Variants in TRABD2B observed in about 807,000 individuals in gnomAD.
The protein encoded by TRABD2B is TraB domain containing 2B.
In TRABD2B, 14 loss-of-function variants were observed where a neutral mutation model predicts 40.1. That is an observed-to-expected ratio of 0.35 (90% CI 0.23 to 0.55). The LOEUF (loss-of-function observed/expected upper bound fraction) is 0.55, where lower values mean the gene tolerates loss of function less well. Among genes scored for constraint, TRABD2B ranks in the 20% least tolerant of loss-of-function variants. The pLI is 0.90. For synonymous variants in TRABD2B, 263 were observed against 277.0 expected, an observed-to-expected ratio of 0.95 and a Z score of 0.50; for missense variants, 541 against 648.6, an observed-to-expected ratio of 0.83 and a Z score of 1.80.
At chr1:47,802,414 G>A (rs1035498694) in intron 2 of TRABD2B, among the ~76,000 whole-genome samples, 8 of 152,152 alleles carry the variant, frequency 5.3e-5, no homozygotes, top group African/African-American at 1.9e-4. Flanking sequence ...TGAGGCCCAG[G>A]GAAGGGAAGG....
chr1:47,883,932 C>T (rs1286519216), intron 2 of TRABD2B, among the ~76,000 whole-genome samples: 2 of 152,312 alleles, frequency 1.3e-5, no homozygotes, highest in East Asian at 3.9e-4. Flanking sequence ...TGATCTCTCT[C>T]TCCATGGGGA....
intron 2 of TRABD2B, among the ~76,000 whole-genome samples, chr1:47,988,304 C>T (rs1645949907): frequency 1.3e-5 from 2 of 152,304 alleles, no homozygotes; most frequent in East Asian, 3.9e-4. Context: ...AGTTTCCATG[C>T]TGCAAACAGG....
intron 2 of TRABD2B, among the ~76,000 whole-genome samples, chr1:47,848,144 A>C (rs1039219684): frequency 6.6e-6 from 1 of 152,348 alleles, no homozygotes; most frequent in Admixed American, 6.5e-5. Flanking sequence ...ACATGGAGAG[A>C]CAGCAAGATC....
At chr1:47,874,432 C>T (rs1157895803) in intron 2 of TRABD2B, among the ~76,000 whole-genome samples, 2 of 149,382 alleles carry the variant, frequency 1.3e-5, no homozygotes, top group Non-Finnish European at 3.0e-5. Flanking sequence ...GCCACCGCGC[C>T]CGGCTAATTT....
chr1:47,800,556 ACT>A (rs1368695302), intron 3 of TRABD2B, among the ~76,000 whole-genome samples: 1 of 151,986 alleles, frequency 6.6e-6, no homozygotes, highest in East Asian at 1.9e-4. Context: ...CACTGTAGAG[ACT>A]CTGGCTTTCA....
intron 2 of TRABD2B, among the ~76,000 whole-genome samples, chr1:47,810,093 G>A (rs1163201943): frequency 6.6e-6 from 1 of 152,128 alleles, no homozygotes; most frequent in Admixed American, 6.5e-5. Flanking sequence ...GTATGTTGGA[G>A]AGTGATAGTT....
At chr1:47,801,405 C>A in intron 3 of TRABD2B, 68 bp downstream of exon 3, 1 of 1,462,080 alleles carries the variant, frequency 6.8e-7, no homozygotes, top group East Asian at 2.5e-5. Context: ...GAGAAGATTA[C>A]CTATGCCTGG....
intron 2 of TRABD2B, among the ~76,000 whole-genome samples, chr1:47,843,359 G>C (rs1210673457): frequency 6.6e-6 from 1 of 152,196 alleles, no homozygotes; most frequent in Non-Finnish European, 1.5e-5. Flanking sequence ...TCTGGATGCA[G>C]ACTGAAGGTA....
At chr1:47,829,335 T>G (rs10890505) in intron 2 of TRABD2B, among the ~76,000 whole-genome samples, 1 of 151,820 alleles carries the variant, frequency 6.6e-6, no homozygotes, top group Non-Finnish European at 1.5e-5. Flanking sequence ...AGGGGCTCAG[T>G]TAGGGCAGGC....
At chr1:47,874,252 A>ATTTTTTTTTT (rs61411862) in intron 2 of TRABD2B, among the ~76,000 whole-genome samples, 85 of 90,520 alleles carry the variant, frequency 9.4e-4, no homozygotes, top group East Asian at 2.2e-3. Context: ...TGATTAATTA[A>ATTTTTTTTTT]TTTTTTTTTT....
intron 2 of TRABD2B, among the ~76,000 whole-genome samples, chr1:47,957,013 G>A (rs1645434089): frequency 6.6e-6 from 1 of 152,218 alleles, no homozygotes; most frequent in South Asian, 2.1e-4. Flanking sequence ...AAAGCTTCCA[G>A]AGGAAGGATC....
In TRABD2B at chr1:47,957,396, C is replaced by A. The variant is rs1645440312; in HGVS notation, c.666+36638G>T. Among the ~76,000 whole-genome samples the A allele has an allele frequency of 2.0e-5, 3 of 152,138 alleles. No homozygotes were observed. In the South Asian group the frequency reaches 6.2e-4, roughly 32 times the overall value. ...TTGAGAGAAGAAGGTGTCAGATGAT[C>A]AGTAATAACAAATTTCTCCGAGCTA... On this transcript the variant is annotated intron_variant, in intron 2 of 6. Coordinates refer to ENST00000606738, the MANE Select transcript of TRABD2B (RefSeq NM_001194986.2).
At chr1:47,977,462 A>T (rs1237133826) in intron 2 of TRABD2B, among the ~76,000 whole-genome samples, 1 of 152,164 alleles carries the variant, frequency 6.6e-6, no homozygotes, top group Non-Finnish European at 1.5e-5. Context: ...ACCAGCCACT[A>T]GGCACGCTGT....
chr1:47,893,363 C>T lies in TRABD2B; in HGVS notation c.667-91744G>A, dbSNP rs116575454. Among the ~76,000 whole-genome samples the T allele has an allele frequency of 8.3e-3, 1,258 of 152,262 alleles. 13 individuals carry two copies. Among genetic ancestry groups the T allele is most frequent in the Middle Eastern group, 0.034 (10 of 292 alleles). ...TGGGGGGCCAGGCAGAGGGAGTGGC[C>T]AGTATGTGGAAAGAACATCCTTTGA... On this transcript the variant is annotated intron_variant, in intron 2 of 6. Coordinates refer to ENST00000606738, the MANE Select transcript of TRABD2B (RefSeq NM_001194986.2).
chr1:47,932,775 G>C (rs141186846), intron 2 of TRABD2B, among the ~76,000 whole-genome samples: 2 of 152,154 alleles, frequency 1.3e-5, no homozygotes, highest in African/African-American at 4.8e-5. Context: ...TTGACTCTGC[G>C]CAAGTCACTT....
At position 47,857,695 on chromosome 1, in the gene TRABD2B, G is replaced by A. The variant is rs112842412; in HGVS notation, c.667-56076C>T. On this transcript the variant is annotated intron_variant, in intron 2 of 6. Transcript: ENST00000606738. ...GAAGGCCTCCAAGAATAATGAAAGA[G>A]TGAGGGAGTGAAGGAACTCTCCCCA... Among the ~76,000 whole-genome samples, 9 of 152,138 alleles carry A rather than the reference G, an allele frequency of 5.9e-5. 2 individuals are homozygous for A. Among genetic ancestry groups the A allele is most frequent in the African/African-American group, 2.2e-4 (9 of 41,512 alleles).
chr1:47,961,461 C>T (rs1034881356), intron 2 of TRABD2B, among the ~76,000 whole-genome samples: 5 of 152,190 alleles, frequency 3.3e-5, no homozygotes, highest in Non-Finnish European at 7.3e-5. Context: ...ACAATCTACC[C>T]ATCTGACACA....
rs142409135 is a variant in TRABD2B at position 47,941,748 on chromosome 1, C to T, written c.666+52286G>A. ...GCTGATGGCTTGGAAGCTCAGAGGC[C>T]CAGCCACTTGGGTTTGAGTCCCTTC... On this transcript the variant is annotated intron_variant, in intron 2 of 6. Coordinates refer to ENST00000606738, the MANE Select transcript of TRABD2B (RefSeq NM_001194986.2). Among the ~76,000 whole-genome samples the T allele has an allele frequency of 4.4e-3, 670 of 152,310 alleles. 6 individuals carry two copies. The highest frequency in any genetic ancestry group is 0.015 in the African/African-American group (638 of 41,564).
chr1:47,903,887 C>T (rs961873378), intron 2 of TRABD2B, among the ~76,000 whole-genome samples: 1 of 152,188 alleles, frequency 6.6e-6, no homozygotes, highest in Non-Finnish European at 1.5e-5. Flanking sequence ...GGCCAGGCTA[C>T]AGGATCTGCC....
Sources: allele counts gnomAD v4.1 joint callset (sites outside exome capture counted in the v4.1 genomes callset), GRCh38; gene constraint gnomAD v4.1.1; transcripts MANE v1.5; gene names NCBI Gene and HGNC (gene_info 2026-07-23, HGNC 2026-07-21).